KHNYN: variants seen among roughly 807,000 people sequenced by gnomAD.
KHNYN encodes the protein KH and NYN domain containing.
Under a neutral mutation model 62.7 loss-of-function variants are expected in KHNYN, and 42 were observed. The observed-to-expected ratio is 0.67, with a 90% CI of 0.52 to 0.87. KHNYN has a LOEUF of 0.87. Among genes scored for constraint, KHNYN ranks in the 40% least tolerant of loss-of-function variants. KHNYN has a pLI of 0.00. For synonymous variants in KHNYN, 347 were observed against 345.6 expected, an observed-to-expected ratio of 1.00 and a Z score of -0.04; for missense variants, 829 against 874.1, an observed-to-expected ratio of 0.95 and a Z score of 0.65.
rs1387825593 is a variant in KHNYN at position 24,440,015 on chromosome 14, G to A, written c.*2730G>A. 1.5e-6 allele frequency: 2 copies of A among 1,347,540 alleles called. No individual in the cohort carries two copies. Among genetic ancestry groups the A allele is most frequent in the Non-Finnish European group, 2.0e-6 (2 of 988,538 alleles). The allele number at this position is 1,347,540 out of a possible 1,614,324, so 83.5% of individuals were successfully genotyped here. On this transcript the variant is annotated 3_prime_UTR_variant, in exon 8 of 8. Coordinates refer to ENST00000553935, the MANE Select transcript of KHNYN (RefSeq NM_015299.3). The stretch of plus-strand genomic sequence containing the variant: ...ATGGCTTCAGCTCTCTAGAGGAGCT[G>A]AGCCTATTCACAGTGCCTAACCTGG...
Position 24,437,011 on chromosome 14 carries a change from C to G in KHNYN, c.1788-25C>G. On this transcript the variant is annotated intron_variant, in intron 7 of 7. Coordinates refer to ENST00000553935, the MANE Select transcript of KHNYN (RefSeq NM_015299.3). The surrounding 1 kb of genome is among the most constrained non-coding windows in gnomAD (Gnocchi z 5.5). ...ATTTCCCCCCCAGGATGCTCATCAG[C>G]TCTTTTTGGTCTGTTTCTTCCCAGG... The G allele has an allele frequency of 6.3e-7, 1 of 1,599,502 alleles. No individual in the cohort carries two copies. The highest frequency in any genetic ancestry group is 8.5e-7 in the Non-Finnish European group (1 of 1,170,102).
chr14:24,428,844 GCCCAGGGGGTGCCTCT>G, upstream of KHNYN: 1 of 1,612,234 alleles, frequency 6.2e-7, no homozygotes, highest in Non-Finnish European at 8.5e-7. Flanking sequence ...AATGCCACTC[GCCCAGGGGGTGCCTCT>G]CCCAGGGCTG....
intron 1 of KHNYN, chr14:24,430,367 T>G (rs1446670302): frequency 2.7e-5 from 25 of 929,694 alleles, no homozygotes; most frequent in Non-Finnish European, 3.3e-5. Context: ...AATCCCCTGC[T>G]GAGGATTCGT....
chr14:24,432,575 C>T lies in KHNYN; in HGVS notation c.1314C>T (p.Arg438=), dbSNP rs1289366203. ...LANVPGQPDL[R]HIVIDGSNVA... The stretch of plus-strand genomic sequence containing the variant: ...ATGTGCCTGGCCAGCCAGACCTCCG[C>T]CATATTGTCATTGACGGCAGCAACG... Residue 438 remains arginine (R), a synonymous_variant, in exon 3 of 8, where the codon CGC becomes CGT. Transcript: ENST00000553935. This position sits in a 1 kb window ranked among gnomAD's most constrained non-coding sequence, Gnocchi z 5.6. The T allele has an allele frequency of 1.2e-6, 2 of 1,608,894 alleles. No homozygotes were observed. Among genetic ancestry groups the T allele is most frequent in the Admixed American group, 3.3e-5 (2 of 59,870 alleles).
In KHNYN at chr14:24,431,893, G is replaced by C; in HGVS notation, c.632G>C (p.Gly211Ala). ...QGPGALASWE[G>A]RSSALLGAQC... The stretch of plus-strand genomic sequence containing the variant: ...CCAGGAGCACTGGCTTCTTGGGAGG[G>C]GCGGAGCTCAGCCTTGCTGGGTGCT... The change falls in exon 3 of 8, where the codon GGG becomes GCG. Residue 211 changes from glycine (G) to alanine (A), a missense_variant. By Grantham distance (60) the Gly-to-Ala change is moderately conservative. This residue lies in a region of KHNYN where 559 missense variants were observed against 527.0 expected (regional missense o/e 1.06). Transcript: ENST00000553935. 1 of 1,614,038 alleles carries C rather than the reference G, an allele frequency of 6.2e-7. No homozygotes were observed. Among genetic ancestry groups the C allele is most frequent in the Non-Finnish European group, 8.5e-7 (1 of 1,180,022 alleles).
chr14:24,424,091 T>C, the KHNYN span, among the ~76,000 whole-genome samples: 1 of 152,232 alleles, frequency 6.6e-6, no homozygotes, highest in African/African-American at 2.4e-5. Flanking sequence ...AAGCTTCATT[T>C]TGGTAAGGGA....
At chr14:24,424,627 TAC>T (rs2043003031), upstream of KHNYN, among the ~76,000 whole-genome samples, 1 of 152,240 alleles carries the variant, frequency 6.6e-6, no homozygotes, top group Admixed American at 6.5e-5. Context: ...GAGAACTTTC[TAC>T]ACTGAAGTCA....
intron 5 of KHNYN, chr14:24,435,709 G>C: frequency 3.6e-6 from 1 of 274,846 alleles, no homozygotes; most frequent in South Asian, 4.9e-5. Flanking sequence ...TGGCAGATAG[G>C]ATGCTACTGG....
At position 24,430,429 on chromosome 14, in the gene KHNYN, A is replaced by C. The variant is rs368038592; in HGVS notation, c.-17-285A>C. 4 of 1,226,664 alleles carry C rather than the reference A, an allele frequency of 3.3e-6. No homozygotes were observed. The African/African-American group carries it at 6.2e-5, about 19-fold the overall frequency. The allele number at this position is 1,226,664 out of a possible 1,614,324, so 76.0% of individuals were successfully genotyped here. A position where few individuals can be genotyped will look rare whatever the true frequency, so the allele number is the denominator to read the frequency against. On this transcript the variant is annotated intron_variant, in intron 1 of 7. Transcript: ENST00000553935. ...GAGACTCCTTCTGGCCTCCAGGCCGAGCTGGAGCCCCCCCACCCTTCTTGC... is the reference window on the plus strand; with the variant it reads ...GAGACTCCTTCTGGCCTCCAGGCCGCGCTGGAGCCCCCCCACCCTTCTTGC...
intron 7 of KHNYN, 64 bp downstream of exon 7, chr14:24,436,553 G>C: frequency 8.1e-7 from 1 of 1,239,930 alleles, no homozygotes; most frequent in Non-Finnish European, 1.1e-6. Flanking sequence ...AGCAGGCCCA[G>C]AGACTTGGGT....
In KHNYN at chr14:24,437,378, C is replaced by T. The variant is rs1031326244; in HGVS notation, c.*93C>T. 3 of 1,445,942 alleles carry T rather than the reference C, an allele frequency of 2.1e-6. No homozygotes were observed. The highest frequency in any genetic ancestry group is 2.8e-6 in the Non-Finnish European group (3 of 1,071,738). 89.6% of individuals were successfully genotyped at this position (1,445,942 alleles called of 1,614,324 possible). A position where few individuals can be genotyped will look rare whatever the true frequency, so the allele number is the denominator to read the frequency against. ...GAGTCCCTCTGCTGCTCACTCTGATCCAGAGGCACCCTGAGTTGGTGCTTT... is the reference window on the plus strand; with the variant it reads ...GAGTCCCTCTGCTGCTCACTCTGATTCAGAGGCACCCTGAGTTGGTGCTTT... On this transcript the variant is annotated 3_prime_UTR_variant, in exon 8 of 8. Transcript: ENST00000553935. This position sits in a 1 kb window ranked among gnomAD's most constrained non-coding sequence, Gnocchi z 5.5.
intron 5 of KHNYN, chr14:24,434,192 T>C (rs1226856579): frequency 7.1e-6 from 7 of 985,302 alleles, no homozygotes; most frequent in Non-Finnish European, 8.4e-6. Flanking sequence ...TAATGAATGT[T>C]AAAGGCATGT....
In KHNYN at chr14:24,430,088, A is replaced by G. The variant is rs1424229195; in HGVS notation, c.-49A>G. 3 of 985,260 alleles carry G rather than the reference A, an allele frequency of 3.0e-6. No individual in the cohort carries two copies. The East Asian group carries it at 3.4e-4, about 112-fold the overall frequency. 61.0% of individuals were successfully genotyped at this position (985,260 alleles called of 1,614,324 possible). On this transcript the variant is annotated 5_prime_UTR_variant, in exon 1 of 8. Transcript: ENST00000553935. ...AAGCGGGGGCCTGGCGGGCGCTGAG[A>G]GGACCTGAAGCCGGCGCGGGCGGCG...
rs753683555 is a variant in KHNYN at position 24,432,405 on chromosome 14, G to A, written c.1144G>A (p.Val382Met). 1.2e-5 allele frequency: 20 copies of A among 1,613,554 alleles called. No homozygotes were observed. The highest frequency in any genetic ancestry group is 6.7e-5 in the Admixed American group (4 of 60,022). Residue 382 changes from valine (V) to methionine (M), a missense_variant, in exon 3 of 8, where the codon GTG becomes ATG. Physicochemically the swap from Val to Met is conservative, Grantham distance 21 (BLOSUM62 1). Coordinates refer to ENST00000553935, the MANE Select transcript of KHNYN (RefSeq NM_015299.3). This position sits in a 1 kb window ranked among gnomAD's most constrained non-coding sequence, Gnocchi z 5.6. ...DRGDCGDRGD[V>M]GDRGDKQQGM... ...GGGTGACTGCGGAGACCGGGGAGACGTGGGGGACAGGGGAGACAAGCAGCA... is the reference window on the plus strand; with the variant it reads ...GGGTGACTGCGGAGACCGGGGAGACATGGGGGACAGGGGAGACAAGCAGCA...
chr14:24,428,257 C>A, upstream of KHNYN: 1 of 1,611,348 alleles, frequency 6.2e-7, no homozygotes, highest in Non-Finnish European at 8.5e-7. Flanking sequence ...CCCTCCTGAG[C>A]CGGGGATGGG....
intron 5 of KHNYN, 56 bp from the exon 6 acceptor site, chr14:24,436,016 T>G: frequency 7.7e-7 from 1 of 1,301,732 alleles, no homozygotes; most frequent in East Asian, 2.3e-5. Flanking sequence ...CAGTGAACAT[T>G]GTACCCAGTA....
At chr14:24,428,358 G>A (rs1459093153), upstream of KHNYN, 8 of 1,613,776 alleles carry the variant, frequency 5.0e-6, no homozygotes, top group African/African-American at 5.3e-5. Flanking sequence ...CAGGGGCTAC[G>A]AAGGAGCCAG....
At chr14:24,425,489 C>T (rs1027509810), upstream of KHNYN, among the ~76,000 whole-genome samples, 7 of 152,158 alleles carry the variant, frequency 4.6e-5, no homozygotes, top group Admixed American at 2.6e-4. Flanking sequence ...CTCAGGGAGC[C>T]GTCTTGGGTC....
chr14:24,435,917 G>A (rs2038502), intron 5 of KHNYN, 155 bp from the exon 6 acceptor site: 525,562 of 628,396 alleles, frequency 0.84, 220,753 homozygotes, highest in East Asian at 0.96. Context: ...TTTTATTTTT[G>A]TAGATTTGGG....
Sources: allele counts gnomAD v4.1 joint callset (sites outside exome capture counted in the v4.1 genomes callset), GRCh38; gene constraint gnomAD v4.1.1; regional missense constraint gnomAD v4.1.1; non-coding constraint Gnocchi (gnomAD v3.1); transcripts MANE v1.5; gene names NCBI Gene and HGNC (gene_info 2026-07-23, HGNC 2026-07-21).